Variants in MYO10 observed in about 807,000 individuals in gnomAD.
MYO10 encodes the protein unconventional myosin-X.
A neutral mutation model predicts 257.3 loss-of-function variants in MYO10; 133 were observed. That is an observed-to-expected ratio of 0.52 (90% CI 0.45 to 0.60). The LOEUF (loss-of-function observed/expected upper bound fraction) is 0.60. MYO10 is among the 20% of genes least tolerant of loss of function. The pLI, the probability that MYO10 is intolerant of heterozygous loss-of-function variation, is 0.00. For synonymous variants in MYO10, 1,104 were observed against 1,028.6 expected (o/e 1.07, Z -1.40); for missense variants, 2,399 against 2,635.7 (o/e 0.91, Z 1.97).
At chr5:16,886,656 G>A (rs1744905105) in intron 1 of MYO10, among the ~76,000 whole-genome samples, 1 of 152,102 alleles carries the variant, frequency 6.6e-6, no homozygotes, top group African/African-American at 2.4e-5. Context: ...CTGCGGCTGG[G>A]CACAGTGGCT....
chr5:16,730,242 G>A (rs555133395), intron 19 of MYO10, among the ~76,000 whole-genome samples: 3 of 152,276 alleles, frequency 2.0e-5, no homozygotes, highest in East Asian at 1.9e-4. Context: ...CTAAACAAAC[G>A]CTTCTTATTA....
intron 3 of MYO10, among the ~76,000 whole-genome samples, chr5:16,809,744 G>A (rs1742377937): frequency 6.6e-6 from 1 of 152,198 alleles, no homozygotes; most frequent in Non-Finnish European, 1.5e-5. Context: ...TTTATCTTTA[G>A]AAACAGCCCC....
intron 19 of MYO10, among the ~76,000 whole-genome samples, chr5:16,712,131 G>A (rs1466239627): frequency 2.0e-5 from 3 of 147,280 alleles, no homozygotes; most frequent in Non-Finnish European, 4.5e-5. Context: ...GTGGGGATGG[G>A]GAAGGGGAGA....
intron 2 of MYO10, among the ~76,000 whole-genome samples, chr5:16,837,971 C>T (rs1407823442): frequency 2.0e-5 from 3 of 152,148 alleles, no homozygotes; most frequent in South Asian, 2.1e-4. Context: ...TGTTTGGGGG[C>T]GCCACAAACC....
chr5:16,909,722 G>A (rs144863520), intron 1 of MYO10, among the ~76,000 whole-genome samples: 2 of 152,194 alleles, frequency 1.3e-5, no homozygotes, highest in South Asian at 2.1e-4. Context: ...CTACCAAGTC[G>A]CATGTTGACA....
chr5:16,744,435 A>G (rs116813844), intron 19 of MYO10, among the ~76,000 whole-genome samples: 2,754 of 152,240 alleles, frequency 0.018, 68 homozygotes, highest in African/African-American at 0.062. Context: ...GATCTATTGT[A>G]TCGGTGGCTT....
chr5:16,841,750 A>G (rs183672298), intron 2 of MYO10, among the ~76,000 whole-genome samples: 1 of 152,268 alleles, frequency 6.6e-6, no homozygotes, highest in Admixed American at 6.5e-5. Flanking sequence ...CTTGTTTGCC[A>G]ACTCTTCTCG....
intron 2 of MYO10, among the ~76,000 whole-genome samples, chr5:16,863,057 G>T (rs577994569): frequency 7.2e-5 from 11 of 152,164 alleles, no homozygotes; most frequent in African/African-American, 2.7e-4. Flanking sequence ...AAGAAGAGGT[G>T]TAGTCTACAG....
chr5:16,747,672 A>T (rs1477303156), intron 19 of MYO10, among the ~76,000 whole-genome samples: 2 of 152,206 alleles, frequency 1.3e-5, no homozygotes, highest in Non-Finnish European at 2.9e-5. Flanking sequence ...TAATCCCAGC[A>T]CTTCGGGAGG....
At chr5:16,875,642 A>C (rs987753352) in intron 2 of MYO10, among the ~76,000 whole-genome samples, 9 of 152,360 alleles carry the variant, frequency 5.9e-5, no homozygotes, top group Admixed American at 5.9e-4. Context: ...CAGAAGAAAA[A>C]GAAATGAAGG....
rs779952088 is a variant in MYO10 at position 16,683,886 on chromosome 5, G to C, written c.4040C>G (p.Pro1347Arg). 1 of 1,613,714 alleles carries C rather than the reference G, an allele frequency of 6.2e-7. No homozygotes were observed. The change falls in exon 30 of 41, where the codon CCT (proline) becomes CGT (arginine). Residue 1347 changes from proline to arginine, a missense_variant. Transcript: ENST00000513610. Reference sequence around the variant, plus strand: ...GAGCCACATCTGAGCTTACCTATCAGGGCTGTCAGAGGCACACACAGAATC... The same window carrying C: ...GAGCCACATCTGAGCTTACCTATCACGGCTGTCAGAGGCACACACAGAATC... The part of the protein sequence containing the change: ...LIDSVCASDS[P>R]DRPNSFVIIT...
In MYO10 at chr5:16,780,683, A is replaced by C. The variant is rs757859364; in HGVS notation, c.741+45T>G. On this transcript the variant is annotated intron_variant, in intron 7 of 40. Coordinates refer to ENST00000513610, the MANE Select transcript of MYO10 (RefSeq NM_012334.3). Reference sequence around the variant, plus strand: ...TCACACAAACCAATAATTTCTGAAAATTGTTATTATGGAAGAAAATGTGGA... The same window carrying C: ...TCACACAAACCAATAATTTCTGAAACTTGTTATTATGGAAGAAAATGTGGA... 9 of 1,549,884 alleles carry C rather than the reference A, an allele frequency of 5.8e-6. No homozygotes were observed. In the South Asian group the frequency reaches 1.1e-4, roughly 18 times the overall value.
At chr5:16,813,961 C>T (rs2126700242) in intron 3 of MYO10, among the ~76,000 whole-genome samples, 1 of 152,266 alleles carries the variant, frequency 6.6e-6, no homozygotes, top group Admixed American at 6.5e-5. Flanking sequence ...CCTCAGGTGA[C>T]AGTCAGCAAG....
chr5:16,842,779 C>T (rs1743521355), intron 2 of MYO10, among the ~76,000 whole-genome samples: 1 of 151,936 alleles, frequency 6.6e-6, no homozygotes, highest in Admixed American at 6.6e-5. Flanking sequence ...TTAATAGTCC[C>T]AGCTAGTCGG....
At chr5:16,744,534 C>A (rs571237480) in intron 19 of MYO10, among the ~76,000 whole-genome samples, 18 of 152,238 alleles carry the variant, frequency 1.2e-4, no homozygotes, top group African/African-American at 3.4e-4. Flanking sequence ...ACCCAGAGCA[C>A]CCCGACACCC....
rs70940395 is a variant in MYO10, at chr5:16,663,328, G to GTTTTTTTTTTTTTTTTT, written c.*3347_*3363dup. The GTTTTTTTTTTTTTTTTT allele has an allele frequency of 7.8e-5, 6 of 76,888 alleles. 2 individuals are homozygous for GTTTTTTTTTTTTTTTTT. The highest frequency in any genetic ancestry group is 1.9e-4 in the African/African-American group (3 of 15,498). 4.8% of individuals were successfully genotyped at this position (76,888 alleles called of 1,614,324 possible). ...AAAAAGTAACATTTTACTTCTAGTT[G>GTTTTTTTTTTTTTTTTT]TTTTTTTTTTTTTTTTTTTTTTTTT... is the stretch of plus-strand genomic sequence containing the variant. On this transcript the variant is annotated 3_prime_UTR_variant, in exon 41 of 41. Coordinates refer to ENST00000513610, the MANE Select transcript of MYO10 (RefSeq NM_012334.3).
intron 30 of MYO10, 84 bp from the exon 31 acceptor site, chr5:16,682,097 C>A: frequency 6.7e-7 from 1 of 1,489,942 alleles, no homozygotes; most frequent in Non-Finnish European, 9.1e-7. Flanking sequence ...TCAGTGCCTT[C>A]TTCCTGGCTT....
chr5:16,914,373 C>T (rs1184879476), intron 1 of MYO10, among the ~76,000 whole-genome samples: 1 of 152,164 alleles, frequency 6.6e-6, no homozygotes, highest in Non-Finnish European at 1.5e-5. Flanking sequence ...CACTAAGAAG[C>T]CTGCAAGCCC....
chr5:16,727,184 CA>C (rs1028389612), intron 19 of MYO10, among the ~76,000 whole-genome samples: 111 of 151,604 alleles, frequency 7.3e-4, no homozygotes, highest in African/African-American at 2.5e-3. Flanking sequence ...ACTGCTTTCA[CA>C]AAAAAAACAA....
Sources: allele counts gnomAD v4.1 joint callset (sites outside exome capture counted in the v4.1 genomes callset), GRCh38; gene constraint gnomAD v4.1.1; transcripts MANE v1.5; gene names NCBI Gene and HGNC (gene_info 2026-07-23, HGNC 2026-07-21).